MRPL48: variants seen among roughly 807,000 people sequenced by gnomAD.
MRPL48 encodes the protein mitochondrial ribosomal protein L48.
MRPL48 carries 16 observed loss-of-function variants against 32.9 expected under a neutral mutation model. The ratio of observed to expected loss-of-function variants is 0.49; its 90% CI spans 0.33 to 0.74. The LOEUF is 0.74. MRPL48 is among the 30% of genes least tolerant of loss of function. The pLI is 0.02. For missense variants in MRPL48, 206 were observed against 245.3 expected (o/e 0.84, Z 1.07); for synonymous variants, 94 against 89.2 (o/e 1.05, Z -0.31).
At chr11:73,850,549 C>G (rs927139346) in intron 5 of MRPL48, 41 of 385,422 alleles carry the variant, frequency 1.1e-4, no homozygotes, top group African/African-American at 8.6e-4. Context: ...CTTCAACATT[C>G]AGTTCTGACT....
chr11:73,851,983 G>T (rs1670557), intron 5 of MRPL48, among the ~76,000 whole-genome samples: 8 of 151,570 alleles, frequency 5.3e-5, no homozygotes, highest in Non-Finnish European at 7.4e-5. Flanking sequence ...CATACCGAGA[G>T]ACATAATTAT....
chr11:73,797,189 C>T (rs1023796342), intron 1 of MRPL48, among the ~76,000 whole-genome samples: 2 of 152,196 alleles, frequency 1.3e-5, no homozygotes, highest in Non-Finnish European at 2.9e-5. Context: ...TTCAGACGAC[C>T]TGCCTGCAGA....
intron 1 of MRPL48, among the ~76,000 whole-genome samples, chr11:73,796,905 A>G (rs928114390): frequency 6.6e-6 from 1 of 152,146 alleles, no homozygotes; most frequent in Non-Finnish European, 1.5e-5. Context: ...TCTGTACTAA[A>G]AATACAAAAA....
At chr11:73,834,836 G>GC (rs1948067377) in intron 4 of MRPL48, among the ~76,000 whole-genome samples, 1 of 137,294 alleles carries the variant, frequency 7.3e-6, no homozygotes, top group African/African-American at 2.7e-5. Context: ...TGTCTGGCCT[G>GC]TTTTTTTTTT....
intron 4 of MRPL48, among the ~76,000 whole-genome samples, chr11:73,828,300 C>CT: frequency 6.6e-6 from 1 of 151,188 alleles, no homozygotes; most frequent in South Asian, 2.1e-4. Flanking sequence ...TCTCGGCTCA[C>CT]TACAACCTCT....
intron 5 of MRPL48, chr11:73,851,138 T>G: frequency 2.2e-6 from 1 of 451,744 alleles, no homozygotes; most frequent in Non-Finnish European, 4.5e-6. Context: ...TCACTTGTCC[T>G]TATCACTTTG....
chr11:73,815,024 C>G (rs1039777493), intron 3 of MRPL48, among the ~76,000 whole-genome samples: 1 of 130,176 alleles, frequency 7.7e-6, no homozygotes, highest in Non-Finnish European at 1.7e-5. Context: ...ATAAATAAAA[C>G]AAAAAAGTGT....
intron 3 of MRPL48, among the ~76,000 whole-genome samples, chr11:73,820,398 T>C (rs1947756521): frequency 6.6e-6 from 1 of 152,178 alleles, no homozygotes; most frequent in Non-Finnish European, 1.5e-5. Context: ...CTAATTTTTG[T>C]ATTTTTAGTA....
At chr11:73,847,834 C>T (rs1237711435) in intron 5 of MRPL48, among the ~76,000 whole-genome samples, 1 of 152,154 alleles carries the variant, frequency 6.6e-6, no homozygotes, top group Non-Finnish European at 1.5e-5. Flanking sequence ...CCCACCGTGA[C>T]CTCCCAAAGT....
intron 4 of MRPL48, among the ~76,000 whole-genome samples, chr11:73,828,619 TC>T (rs928969836): frequency 3.3e-5 from 5 of 152,142 alleles, no homozygotes; most frequent in Non-Finnish European, 7.3e-5. Context: ...ACAATATACT[TC>T]CAGGCAGAAA....
At chr11:73,819,006 G>A (rs1947726055) in intron 3 of MRPL48, among the ~76,000 whole-genome samples, 1 of 152,196 alleles carries the variant, frequency 6.6e-6, no homozygotes, top group South Asian at 2.1e-4. Context: ...AGGCTGCAAT[G>A]TTAATGTGAC....
At chr11:73,828,165 A>G (rs1947931598) in intron 4 of MRPL48, among the ~76,000 whole-genome samples, 1 of 151,900 alleles carries the variant, frequency 6.6e-6, no homozygotes, top group Non-Finnish European at 1.5e-5. Context: ...TTTATTGAAT[A>G]TCTATTATGT....
chr11:73,855,605 A>G (rs1447507101), intron 5 of MRPL48, among the ~76,000 whole-genome samples: 3 of 152,196 alleles, frequency 2.0e-5, no homozygotes, highest in South Asian at 2.1e-4. Flanking sequence ...CTCCTGCCTC[A>G]GCCTCCCGAG....
chr11:73,823,383 C>T (rs1015975302), intron 3 of MRPL48, among the ~76,000 whole-genome samples: 1 of 152,166 alleles, frequency 6.6e-6, no homozygotes, highest in African/African-American at 2.4e-5. Flanking sequence ...GCCATATACA[C>T]ATACATATAG....
chr11:73,820,573 A>G (rs1383582033), intron 3 of MRPL48, among the ~76,000 whole-genome samples: 6 of 152,088 alleles, frequency 3.9e-5, no homozygotes, highest in Non-Finnish European at 8.8e-5. Flanking sequence ...CTTCAGTCAC[A>G]CTGACAGCTT....
At chr11:73,799,646 G>A (rs549316646) in intron 1 of MRPL48, among the ~76,000 whole-genome samples, 2 of 152,240 alleles carry the variant, frequency 1.3e-5, no homozygotes, top group African/African-American at 2.4e-5. Flanking sequence ...AGGCAGGAGG[G>A]GGATGAGGGA....
At chr11:73,812,200 T>C (rs913999637) in intron 3 of MRPL48, among the ~76,000 whole-genome samples, 2 of 152,150 alleles carry the variant, frequency 1.3e-5, no homozygotes, top group Non-Finnish European at 2.9e-5. Context: ...TTCCCAATCT[T>C]AACTCCCTCA....
At chr11:73,797,051 A>G (rs1947266769) in intron 1 of MRPL48, among the ~76,000 whole-genome samples, 1 of 152,158 alleles carries the variant, frequency 6.6e-6, no homozygotes, top group Admixed American at 6.5e-5. Context: ...GAAAAGAGTG[A>G]GACTGTCTCA....
At chr11:73,816,675 G>C (rs1323702011) in intron 3 of MRPL48, among the ~76,000 whole-genome samples, 1 of 151,244 alleles carries the variant, frequency 6.6e-6, no homozygotes, top group Non-Finnish European at 1.5e-5. Context: ...TGTTGGCCAA[G>C]CTAGTCTCGA....
Sources: gnomAD v4.1 joint callset for allele counts (sites outside exome capture counted in the v4.1 genomes callset) on GRCh38, gnomAD v4.1.1 for gene constraint, MANE v1.5 for transcripts, NCBI Gene and HGNC (gene_info 2026-07-23, HGNC 2026-07-21) for gene names.